PRR5: variants seen among roughly 807,000 people sequenced by gnomAD.
PRR5 encodes the protein proline-rich protein 5.
A neutral mutation model predicts 30.6 loss-of-function variants in PRR5; 25 were observed. The observed-to-expected ratio is 0.82, with a 90% CI of 0.60 to 1.14. The LOEUF (loss-of-function observed/expected upper bound fraction) is 1.14, where lower values mean the gene tolerates loss of function less well. PRR5 is among the 50% of genes most tolerant of loss of function. The pLI, the probability that PRR5 is intolerant of heterozygous loss-of-function variation, is 0.00. For synonymous variants in PRR5, 286 were observed against 247.1 expected (o/e 1.16, Z -1.48); for missense variants, 600 against 547.1 (o/e 1.10, Z -0.96).
chr22:44,711,045 A>G (rs568772587), intron 1 of PRR5, among the ~76,000 whole-genome samples: 1 of 144,390 alleles, frequency 6.9e-6, no homozygotes, highest in Admixed American at 6.8e-5. Flanking sequence ...GAGTCCACAG[A>G]GGGAGCAGGC....
At chr22:44,729,701 A>G (rs984269071) in intron 4 of PRR5, 1 of 985,476 alleles carries the variant, frequency 1.0e-6, no homozygotes, top group Non-Finnish European at 1.2e-6. Context: ...GAGAGCCCCA[A>G]CAGCCGCGAG....
intron 1 of PRR5, among the ~76,000 whole-genome samples, chr22:44,689,947 C>T (rs1191473811): frequency 1.3e-5 from 2 of 152,242 alleles, no homozygotes; most frequent in African/African-American, 4.8e-5. Flanking sequence ...TCATACCCGG[C>T]CTCATTCCAG....
chr22:44,729,687 G>A (rs979927406), intron 4 of PRR5: 14 of 985,392 alleles, frequency 1.4e-5, no homozygotes, highest in Non-Finnish European at 1.3e-5. Flanking sequence ...GACAGGCCCC[G>A]GCAGAGAGCC....
chr22:44,702,162 GC>G, upstream of PRR5: 1 of 658,852 alleles, frequency 1.5e-6, no homozygotes, highest in Non-Finnish European at 1.9e-6. Flanking sequence ...GCCCCCCGGG[GC>G]GCCGAGACCC....
At chr22:44,681,203 G>C (rs1601950551) in intron 1 of PRR5, among the ~76,000 whole-genome samples, 1 of 152,222 alleles carries the variant, frequency 6.6e-6, no homozygotes, top group East Asian at 1.9e-4. Context: ...GTAGGAGTCT[G>C]CAGGATGATG....
At chr22:44,680,004 G>A (rs1325124934) in intron 1 of PRR5, 3 of 878,726 alleles carry the variant, frequency 3.4e-6, no homozygotes, top group African/African-American at 1.7e-5. Context: ...CGGGGAATGA[G>A]GGCTGGACCT....
At chr22:44,704,374 A>G (rs1926855130) in intron 1 of PRR5, among the ~76,000 whole-genome samples, 1 of 152,028 alleles carries the variant, frequency 6.6e-6, no homozygotes, top group Non-Finnish European at 1.5e-5. Context: ...TGGCTTAGAC[A>G]CTGCCCTCAC....
chr22:44,713,546 T>C (rs991286800), intron 1 of PRR5, among the ~76,000 whole-genome samples: 1 of 152,092 alleles, frequency 6.6e-6, no homozygotes, highest in African/African-American at 2.4e-5. Flanking sequence ...TTTTGGTTTT[T>C]GTAGAGGCAG....
In PRR5 at chr22:44,737,116, G is replaced by A. The variant is rs1042503270; in HGVS notation, c.1036G>A (p.Glu346Lys). ...TRSSLPRSSP[E>K]NLVDQILESV... Reference sequence around the variant, plus strand: ...CAGCTCCCTGCCCCGCTCCAGCCCGGAGAACCTGGTGGACCAGATCCTGGA... The same window carrying A: ...CAGCTCCCTGCCCCGCTCCAGCCCGAAGAACCTGGTGGACCAGATCCTGGA... The change falls in exon 8 of 8, where the codon GAG becomes AAG. Residue 346 changes from glutamate to lysine, a missense_variant. By Grantham distance (56) the Glu-to-Lys change is moderately conservative. Coordinates refer to ENST00000336985, the MANE Select transcript of PRR5 (RefSeq NM_181333.4). The A allele has an allele frequency of 2.5e-6, 4 of 1,612,394 alleles. No individual in the cohort carries two copies. The highest frequency in any genetic ancestry group is 2.7e-5 in the African/African-American group (2 of 74,958).
At chr22:44,685,601 C>CCCAGTGAAAGCCACACCCCTCTCG (rs1569067211) in intron 1 of PRR5, among the ~76,000 whole-genome samples, 9,909 of 147,392 alleles carry the variant, frequency 0.067, 570 homozygotes, top group East Asian at 0.23. Flanking sequence ...ACACCCTCTC[C>CCCAGTGAAAGCCACACCCCTCTCG]CCAGTGAAAG....
upstream of PRR5, among the ~76,000 whole-genome samples, chr22:44,699,876 T>C (rs1283447536): frequency 1.3e-5 from 2 of 152,236 alleles, no homozygotes; most frequent in African/African-American, 4.8e-5. Context: ...TTTCATTCTT[T>C]TCAGAGACAA....
intron 1 of PRR5, among the ~76,000 whole-genome samples, chr22:44,694,885 C>T (rs920994591): frequency 2.0e-5 from 3 of 152,062 alleles, no homozygotes; most frequent in African/African-American, 4.8e-5. Flanking sequence ...AAATGACAAG[C>T]AGTGGCCAGG....
Position 44,702,428 on chromosome 22 carries a change from C to T in PRR5, c.-47C>T, listed in dbSNP as rs1926469176. On this transcript the variant is annotated 5_prime_UTR_variant, in exon 1 of 8. Transcript: ENST00000336985. ...GCCCTTGGTGCGGCGTGGCGCAGGG[C>T]GCGGCGTGGGGCGCGCGTGGGCGCG... is the stretch of plus-strand genomic sequence containing the variant. The T allele has an allele frequency of 1.6e-6, 2 of 1,267,260 alleles. No individual in the cohort carries two copies. The highest frequency in any genetic ancestry group is 3.0e-5 in the South Asian group (1 of 33,576). 78.5% of individuals were successfully genotyped at this position (1,267,260 alleles called of 1,614,324 possible).
At position 44,691,049 on chromosome 22, in the gene PRR5, C is replaced by T. The variant is rs1925191675; in HGVS notation, c.-10-11443C>T. Among the ~76,000 whole-genome samples, 1 of 151,974 alleles carries T rather than the reference C, an allele frequency of 6.6e-6. No individual in the cohort carries two copies. Among genetic ancestry groups the T allele is most frequent in the South Asian group, 2.1e-4 (1 of 4,812 alleles). On this transcript the variant is annotated intron_variant, in intron 1 of 8. Transcript: ENST00000006251. This position sits in a 1 kb window ranked among gnomAD's most constrained non-coding sequence, Gnocchi z 4.4. The stretch of plus-strand genomic sequence containing the variant: ...GGTGCCCAAGTGAACGTGCTGGCAG[C>T]CTCGGGAAGGTGGATTCCCGGGGCG...
intron 1 of PRR5, among the ~76,000 whole-genome samples, chr22:44,711,088 G>A (rs1166491746): frequency 1.3e-5 from 2 of 152,170 alleles, no homozygotes; most frequent in Non-Finnish European, 2.9e-5. Flanking sequence ...AGAACACCCA[G>A]GGCGAGGAGC....
intron 1 of PRR5, among the ~76,000 whole-genome samples, chr22:44,684,290 C>G (rs909671191): frequency 6.6e-6 from 1 of 152,186 alleles, no homozygotes; most frequent in African/African-American, 2.4e-5. Flanking sequence ...TACCTGTAAT[C>G]CCGGCACTTT....
intron 4 of PRR5, among the ~76,000 whole-genome samples, chr22:44,728,444 C>T (rs911366486): frequency 2.6e-5 from 4 of 152,226 alleles, no homozygotes; most frequent in African/African-American, 9.7e-5. Flanking sequence ...GGACTCACAG[C>T]CCAATTGGGG....
rs145917655 is a variant in PRR5, at chr22:44,720,727, T to C, written c.216-4517T>C. Among the ~76,000 whole-genome samples, 459 of 152,292 alleles carry C rather than the reference T, an allele frequency of 3.0e-3. 2 individuals are homozygous for C. The highest frequency in any genetic ancestry group is 0.01 in the African/African-American group (416 of 41,568). ...ATCTGAGGCCGTGTCTGTGCTCTCA[T>C]TGGGGTCCGGGAGAGTTGGTGGGCA... On this transcript the variant is annotated intron_variant, in intron 2 of 7. Coordinates refer to ENST00000336985, the MANE Select transcript of PRR5 (RefSeq NM_181333.4).
chr22:44,717,859 G>A (rs908962605), intron 2 of PRR5, among the ~76,000 whole-genome samples: 1 of 151,970 alleles, frequency 6.6e-6, no homozygotes, highest in Non-Finnish European at 1.5e-5. Flanking sequence ...GGGATTACAG[G>A]CATGTGCCAC....
Sources: allele counts gnomAD v4.1 joint callset (sites outside exome capture counted in the v4.1 genomes callset), GRCh38; gene constraint gnomAD v4.1.1; non-coding constraint Gnocchi (gnomAD v3.1); transcripts MANE v1.5; gene names NCBI Gene and HGNC (gene_info 2026-07-23, HGNC 2026-07-21).